Variants in SGCZ observed in about 807,000 individuals in gnomAD.
The protein encoded by SGCZ is zeta-sarcoglycan.
SGCZ carries 40 observed loss-of-function variants against 41.3 expected under a neutral mutation model. That is an observed-to-expected ratio of 0.97 (90% CI 0.75 to 1.26). The LOEUF (loss-of-function observed/expected upper bound fraction) is 1.26, where lower values mean the gene tolerates loss of function less well. Ranked by LOEUF, SGCZ falls within the 50% of genes most tolerant of loss-of-function variation. SGCZ has a pLI of 0.00. For synonymous variants in SGCZ, 206 were observed against 137.5 expected (o/e 1.50, Z -3.49); for missense variants, 552 against 369.8 (o/e 1.49, Z -4.04).
At chr8:14,393,986 T>G (rs891960660) in intron 2 of SGCZ, among the ~76,000 whole-genome samples, 3 of 152,178 alleles carry the variant, frequency 2.0e-5, no homozygotes, top group Non-Finnish European at 2.9e-5. Flanking sequence ...ATATGTGTAC[T>G]TTAAAGAAGC....
intron 1 of SGCZ, among the ~76,000 whole-genome samples, chr8:15,169,279 G>C (rs965473861): frequency 2.6e-5 from 4 of 152,154 alleles, no homozygotes; most frequent in African/African-American, 9.7e-5. Context: ...CAGCCAGGGA[G>C]GAGGGTGTCC....
At chr8:14,915,532 C>T (rs1564450) in intron 1 of SGCZ, among the ~76,000 whole-genome samples, 44,907 of 151,948 alleles carry the variant, frequency 0.3, 9,643 homozygotes, top group African/African-American at 0.61. Context: ...AGATGGCGGC[C>T]CCATCTTCCC....
chr8:14,655,734 A>C (rs1216209079), intron 1 of SGCZ, among the ~76,000 whole-genome samples: 1 of 152,058 alleles, frequency 6.6e-6, no homozygotes, highest in Non-Finnish European at 1.5e-5. Flanking sequence ...TCACAATAAG[A>C]ATCTCTCATG....
At chr8:14,231,858 A>G (rs1375914004) in intron 4 of SGCZ, among the ~76,000 whole-genome samples, 2 of 152,148 alleles carry the variant, frequency 1.3e-5, no homozygotes, top group East Asian at 3.9e-4. Context: ...ATTTGGTTAC[A>G]TTTCCTTTTA....
chr8:14,754,376 A>G lies in SGCZ; in HGVS notation c.40-199450T>C, dbSNP rs182085521. Among the ~76,000 whole-genome samples the G allele has an allele frequency of 2.7e-3, 417 of 152,254 alleles. 2 individuals carry two copies. The highest frequency in any genetic ancestry group is 9.6e-3 in the African/African-American group (397 of 41,552). On this transcript the variant is annotated intron_variant, in intron 1 of 7. Transcript: ENST00000382080. ...CCTCTCTCTGTTTTTCTTCTTTTCC[A>G]TAGTAGATACTACACTCTAACATGC...
At chr8:14,659,067 T>C (rs1365656072) in intron 1 of SGCZ, among the ~76,000 whole-genome samples, 2 of 152,174 alleles carry the variant, frequency 1.3e-5, no homozygotes, top group Admixed American at 1.3e-4. Context: ...TAAAATGGTA[T>C]ATTTTATTAA....
intron 2 of SGCZ, among the ~76,000 whole-genome samples, chr8:14,383,965 TTTTA>T (rs1804469186): frequency 6.6e-6 from 1 of 151,880 alleles, no homozygotes; most frequent in African/African-American, 2.4e-5. Flanking sequence ...TTTTTTCTTT[TTTTA>T]AATTTTATTA....
chr8:14,658,676 C>A (rs1464457520), intron 1 of SGCZ, among the ~76,000 whole-genome samples: 1 of 152,156 alleles, frequency 6.6e-6, no homozygotes, highest in African/African-American at 2.4e-5. Flanking sequence ...CACTCTCCTT[C>A]TTTACTTTTC....
chr8:14,560,642 T>C (rs1297774121), intron 1 of SGCZ, among the ~76,000 whole-genome samples: 2 of 152,120 alleles, frequency 1.3e-5, no homozygotes, highest in Non-Finnish European at 2.9e-5. Context: ...TTCTACAAAT[T>C]ATATTTCAAT....
chr8:14,644,551 A>G (rs1807144098), intron 1 of SGCZ, among the ~76,000 whole-genome samples: 1 of 151,720 alleles, frequency 6.6e-6, no homozygotes, highest in Admixed American at 6.6e-5. Context: ...AAGTCCATTA[A>G]TGGTTTTGTA....
Position 14,135,261 on chromosome 8 carries a change from A to G in SGCZ, c.548-27026T>C, listed in dbSNP as rs141887728. 6.5e-3 allele frequency among the ~76,000 whole-genome samples: 988 copies of G among 152,328 alleles called. 7 individuals are homozygous for G. Among genetic ancestry groups the G allele is most frequent in the African/African-American group, 0.023 (940 of 41,566 alleles). ...AGCTTTTTCACCTGTGTAACAAAAT[A>G]ATATTTTGAATTATTTCACTTTTTC... is the stretch of plus-strand genomic sequence containing the variant. On this transcript the variant is annotated intron_variant, in intron 5 of 7. Coordinates refer to ENST00000382080, the MANE Select transcript of SGCZ (RefSeq NM_139167.4).
intron 3 of SGCZ, among the ~76,000 whole-genome samples, chr8:14,268,552 C>T (rs1167235853): frequency 1.3e-5 from 2 of 151,636 alleles, no homozygotes; most frequent in Non-Finnish European, 2.9e-5. Context: ...TGGTGGTCTG[C>T]GTATCGAAAT....
intron 7 of SGCZ, among the ~76,000 whole-genome samples, chr8:14,096,491 G>A (rs1274597705): frequency 1.3e-5 from 2 of 152,162 alleles, no homozygotes; most frequent in Non-Finnish European, 2.9e-5. Flanking sequence ...TTGTTGTGCT[G>A]CTGGATTCGG....
rs188516120 is a variant in SGCZ at position 14,452,380 on chromosome 8, G to A, written c.234+102352C>T. Reference sequence around the variant, plus strand: ...TATTCTGTGTGATATCGTAACGGTGGATACATGTCATGATATACTTGTCCT... The same window carrying A: ...TATTCTGTGTGATATCGTAACGGTGAATACATGTCATGATATACTTGTCCT... On this transcript the variant is annotated intron_variant, in intron 2 of 7. Coordinates refer to ENST00000382080, the MANE Select transcript of SGCZ (RefSeq NM_139167.4). 1.5e-3 allele frequency among the ~76,000 whole-genome samples: 222 copies of A among 152,106 alleles called. 1 individual carries two copies. The highest frequency in any genetic ancestry group is 3.6e-3 in the Admixed American group (55 of 15,246).
intron 1 of SGCZ, among the ~76,000 whole-genome samples, chr8:14,842,361 CA>C (rs1563308757): frequency 1.5e-5 from 2 of 130,130 alleles, no homozygotes; most frequent in East Asian, 4.4e-4. Flanking sequence ...AGGAAGGAAA[CA>C]AGAAAAAAGA....
At chr8:15,217,372 G>C (rs1236663468) in intron 1 of SGCZ, among the ~76,000 whole-genome samples, 2 of 148,824 alleles carry the variant, frequency 1.3e-5, no homozygotes, top group Non-Finnish European at 3.0e-5. Flanking sequence ...AGTCGAGATT[G>C]CGCCACCGCA....
chr8:14,554,174 T>C (rs1803959385), intron 2 of SGCZ, among the ~76,000 whole-genome samples: 1 of 152,098 alleles, frequency 6.6e-6, no homozygotes, highest in Non-Finnish European at 1.5e-5. Context: ...ATCTTCCATT[T>C]ACGAGGGATG....
chr8:14,759,796 T>C (rs192747715), intron 1 of SGCZ, among the ~76,000 whole-genome samples: 73 of 152,276 alleles, frequency 4.8e-4, no homozygotes, highest in African/African-American at 1.7e-3. Flanking sequence ...CTCGTATTAG[T>C]GAGTGTCTGT....
intron 4 of SGCZ, among the ~76,000 whole-genome samples, chr8:14,233,008 C>G (rs542709028): frequency 2.0e-5 from 3 of 151,910 alleles, no homozygotes; most frequent in African/African-American, 7.2e-5. Context: ...GACATAGGGC[C>G]CCATAAGTAG....
Sources: allele counts gnomAD v4.1 joint callset (sites outside exome capture counted in the v4.1 genomes callset), GRCh38; gene constraint gnomAD v4.1.1; transcripts MANE v1.5; gene names NCBI Gene and HGNC (gene_info 2026-07-23, HGNC 2026-07-21).